Variants in PTPRD observed in about 807,000 individuals in gnomAD.
PTPRD encodes receptor-type tyrosine-protein phosphatase delta.
In PTPRD, 34 loss-of-function variants were observed where a neutral mutation model predicts 214.5. That is an observed-to-expected ratio of 0.16 (90% confidence interval 0.12 to 0.21). The LOEUF (loss-of-function observed/expected upper bound fraction) is 0.21, where lower values mean the gene tolerates loss of function less well. Ranked by LOEUF, PTPRD falls within the 10% of genes least tolerant of loss-of-function variation. The pLI, the probability that PTPRD is intolerant of heterozygous loss-of-function variation, is 1.00. For missense variants in PTPRD, 2,545 were observed against 2,398.7 expected (o/e 1.06, Z -1.27); for synonymous variants, 1,128 against 845.7 (o/e 1.33, Z -5.79).
intron 7 of PTPRD, among the ~76,000 whole-genome samples, chr9:9,617,249 G>C (rs1483658807): frequency 6.6e-6 from 1 of 152,154 alleles, no homozygotes; most frequent in Non-Finnish European, 1.5e-5. Context: ...GTGGAAAGGA[G>C]AATTAGACTC....
chr9:9,364,985 A>T (rs1381773414), intron 9 of PTPRD, among the ~76,000 whole-genome samples: 1 of 151,484 alleles, frequency 6.6e-6, no homozygotes, highest in African/African-American at 2.4e-5. Flanking sequence ...TTGAGATTGT[A>T]CATCTCACAG....
At chr9:9,191,191 C>T (rs554901046) in intron 9 of PTPRD, among the ~76,000 whole-genome samples, 2 of 152,234 alleles carry the variant, frequency 1.3e-5, no homozygotes, top group South Asian at 4.1e-4. Context: ...AAGCCAGTTA[C>T]CACATGATGA....
intron 11 of PTPRD, among the ~76,000 whole-genome samples, chr9:8,883,253 A>G (rs1239282421): frequency 6.6e-6 from 1 of 152,228 alleles, no homozygotes; most frequent in Non-Finnish European, 1.5e-5. Context: ...CCATGGGCTA[A>G]CAACTATGAT....
intron 9 of PTPRD, among the ~76,000 whole-genome samples, chr9:9,216,422 T>C (rs1046880037): frequency 6.6e-6 from 1 of 152,166 alleles, no homozygotes; most frequent in African/African-American, 2.4e-5. Context: ...AAATATGTAA[T>C]CCTGAGCCTA....
At chr9:9,168,959 A>G (rs539721581) in intron 10 of PTPRD, among the ~76,000 whole-genome samples, 2 of 151,964 alleles carry the variant, frequency 1.3e-5, no homozygotes, top group African/African-American at 4.8e-5. Context: ...ATAAAAAATA[A>G]TTTGGATATA....
At chr9:9,754,628 T>C (rs546564946) in intron 6 of PTPRD, among the ~76,000 whole-genome samples, 2 of 152,240 alleles carry the variant, frequency 1.3e-5, no homozygotes, top group East Asian at 3.9e-4. Flanking sequence ...AAATAATTTA[T>C]TTTTAAGGGC....
At chr9:8,387,100 T>C (rs1262625011) in intron 37 of PTPRD, among the ~76,000 whole-genome samples, 2 of 152,050 alleles carry the variant, frequency 1.3e-5, no homozygotes, top group Non-Finnish European at 2.9e-5. Context: ...AGAATAAAAA[T>C]CACAAGACAG....
At chr9:10,029,631 G>A (rs150451774) in intron 4 of PTPRD, among the ~76,000 whole-genome samples, 411 of 152,290 alleles carry the variant, frequency 2.7e-3, no homozygotes, top group African/African-American at 9.5e-3. Context: ...CATTTGGAAC[G>A]GCTGTATTTC....
chr9:10,512,984 G>C (rs1490337316), intron 2 of PTPRD, among the ~76,000 whole-genome samples: 1 of 151,968 alleles, frequency 6.6e-6, no homozygotes, highest in Non-Finnish European at 1.5e-5. Context: ...ATAAATGAAA[G>C]AACTACCAGT....
intron 14 of PTPRD, among the ~76,000 whole-genome samples, chr9:8,548,578 G>C (rs976613432): frequency 2.0e-5 from 3 of 150,688 alleles, no homozygotes; most frequent in Non-Finnish European, 4.4e-5. Flanking sequence ...ATGTTGGCTA[G>C]GCTGTTCTCG....
chr9:10,505,373 T>A (rs1219561720), intron 2 of PTPRD, among the ~76,000 whole-genome samples: 2 of 152,180 alleles, frequency 1.3e-5, no homozygotes, highest in African/African-American at 4.8e-5. Flanking sequence ...AAGAGCTGCA[T>A]AAAACAAGGG....
chr9:10,041,925 G>A (rs1245876883), intron 3 of PTPRD, among the ~76,000 whole-genome samples: 1 of 151,960 alleles, frequency 6.6e-6, no homozygotes. Context: ...ATCCTCCTTA[G>A]AAGCACATCT....
chr9:9,898,136 T>C (rs1016575276), intron 5 of PTPRD, among the ~76,000 whole-genome samples: 4 of 152,174 alleles, frequency 2.6e-5, no homozygotes, highest in Non-Finnish European at 4.4e-5. Flanking sequence ...ATTCATAATG[T>C]ATGAAACTTC....
At chr9:9,491,556 C>G (rs1490620838) in intron 8 of PTPRD, among the ~76,000 whole-genome samples, 1 of 151,784 alleles carries the variant, frequency 6.6e-6, no homozygotes, top group Admixed American at 6.6e-5. Flanking sequence ...AATTAAGTCT[C>G]AATAGGTTAG....
At chr9:8,751,242 T>C (rs958346367) in intron 11 of PTPRD, among the ~76,000 whole-genome samples, 1 of 152,124 alleles carries the variant, frequency 6.6e-6, no homozygotes, top group Non-Finnish European at 1.5e-5. Flanking sequence ...TTAGAATTTT[T>C]ACTTAAAAAG....
At chr9:9,680,087 G>A (rs527733699) in intron 7 of PTPRD, among the ~76,000 whole-genome samples, 2 of 151,942 alleles carry the variant, frequency 1.3e-5, no homozygotes, top group Admixed American at 6.6e-5. Flanking sequence ...AATGAATACT[G>A]CTAAGTTTCA....
At chr9:9,342,049 T>A (rs1028073670) in intron 9 of PTPRD, among the ~76,000 whole-genome samples, 2 of 152,126 alleles carry the variant, frequency 1.3e-5, no homozygotes, top group African/African-American at 4.8e-5. Flanking sequence ...CCTCAAGTGA[T>A]CCACCCGTCT....
chr9:9,181,188 G>C (rs75414927), intron 10 of PTPRD, among the ~76,000 whole-genome samples: 7,826 of 151,578 alleles, frequency 0.052, 713 homozygotes, highest in African/African-American at 0.18. Context: ...CACATACTAA[G>C]GGCTCAACAA....
chr9:10,418,456 C>G (rs1429280969), intron 2 of PTPRD, among the ~76,000 whole-genome samples: 2 of 136,796 alleles, frequency 1.5e-5, no homozygotes, highest in Non-Finnish European at 3.1e-5. Context: ...TACACACACA[C>G]ACACACACAC....
Sources: gnomAD v4.1 joint callset for allele counts (sites outside exome capture counted in the v4.1 genomes callset) on GRCh38, gnomAD v4.1.1 for gene constraint, MANE v1.5 for transcripts, NCBI Gene and HGNC (gene_info 2026-07-23, HGNC 2026-07-21) for gene names.